Variants in EVL observed in about 807,000 individuals in gnomAD.
EVL encodes the protein Enah/Vasp-like.
In EVL, 21 loss-of-function variants were observed where a neutral mutation model predicts 59.6. That is an observed-to-expected ratio of 0.35 (90% CI 0.25 to 0.51). The LOEUF is 0.51. EVL is among the 20% of genes least tolerant of loss of function. EVL has a pLI of 0.97. For synonymous variants in EVL, 198 were observed against 203.5 expected, an observed-to-expected ratio of 0.97 and a Z score of 0.23; for missense variants, 462 against 546.6, an observed-to-expected ratio of 0.85 and a Z score of 1.54.
chr14:100,048,806 G>A (rs2140244338), intron 1 of EVL, among the ~76,000 whole-genome samples: 1 of 152,268 alleles, frequency 6.6e-6, no homozygotes, highest in South Asian at 2.1e-4. Context: ...GAATCTCAAA[G>A]CATTACACTG....
At chr14:100,020,955 T>C (rs576511718) in intron 1 of EVL, among the ~76,000 whole-genome samples, 55 of 152,348 alleles carry the variant, frequency 3.6e-4, no homozygotes, top group Non-Finnish European at 7.4e-5. Context: ...CCAGAACTTT[T>C]ATAATAGCCC....
Position 100,080,062 on chromosome 14 carries a change from CT to C in EVL, c.12-4611del, listed in dbSNP as rs371508011. 2.0e-3 allele frequency among the ~76,000 whole-genome samples: 275 copies of C among 140,648 alleles called. 1 individual carries two copies. The highest frequency in any genetic ancestry group is 2.0e-3 in the East Asian group (10 of 4,884). 92.3% of individuals were successfully genotyped at this position (140,648 alleles called of 152,430 possible). A position where few individuals can be genotyped will look rare whatever the true frequency, so the allele number is the denominator to read the frequency against. On this transcript the variant is annotated intron_variant, in intron 1 of 13. Coordinates refer to ENST00000392920, the MANE Select transcript of EVL (RefSeq NM_016337.3). ...TGCAGAAAATTTGGGATGTGTTTTG[CT>C]TTTTTTTTTTTTTCTCTTCAGTGAG...
chr14:100,109,636 C>T lies in EVL; in HGVS notation c.358+11978C>T, dbSNP rs371776651. ...TAAGATGGAGTTCCTGAACCAAGAC[C>T]GCTTGCTGGCCAACCTGTGAAACTG... On this transcript the variant is annotated intron_variant, in intron 3 of 13. Transcript: ENST00000392920. This position sits in a 1 kb window ranked among gnomAD's most constrained non-coding sequence, Gnocchi z 4.3. 6.2e-4 allele frequency: 326 copies of T among 525,150 alleles called. No homozygotes were observed. The highest frequency in any genetic ancestry group is 9.8e-4 in the Non-Finnish European group (251 of 254,920). The allele number at this position is 525,150 out of a possible 1,614,324, so 32.5% of individuals were successfully genotyped here. A position where few individuals can be genotyped will look rare whatever the true frequency, so the allele number is the denominator to read the frequency against.
At chr14:99,987,097 T>C (rs1057445590) in intron 1 of EVL, among the ~76,000 whole-genome samples, 1 of 152,154 alleles carries the variant, frequency 6.6e-6, no homozygotes, top group African/African-American at 2.4e-5. Context: ...AATGGTACCG[T>C]CAATAAAGTG....
At chr14:100,102,248 A>G (rs567465621) in intron 3 of EVL, 1 of 456,052 alleles carries the variant, frequency 2.2e-6, no homozygotes, top group African/African-American at 2.0e-5. Context: ...CGCAGCATAG[A>G]GGAACACAGC....
At chr14:100,139,688 T>C (rs1889040101) in intron 11 of EVL, 1 of 152,292 alleles carries the variant, frequency 6.6e-6, no homozygotes, top group African/African-American at 2.4e-5. Context: ...GCAACACTGG[T>C]CCTCAGTGTC....
chr14:100,119,714 C>T (rs1291757027), intron 3 of EVL, among the ~76,000 whole-genome samples: 1 of 152,192 alleles, frequency 6.6e-6, no homozygotes, highest in Non-Finnish European at 1.5e-5. Context: ...TTTGTTTATT[C>T]CTCACCGCAG....
chr14:100,025,933 T>G (rs1219556168), intron 1 of EVL, among the ~76,000 whole-genome samples: 1 of 151,030 alleles, frequency 6.6e-6, no homozygotes, highest in Non-Finnish European at 1.5e-5. Flanking sequence ...TGACACTCTG[T>G]CTCCAAAAAC....
rs994245344 is a variant in EVL at position 99,972,745 on chromosome 14, G to A, written c.5+688G>A. ...GCCAGAAGCCCGGTGCCCTCTCCCA[G>A]TCGCTAAACCCTCCCTTCCTCTCCA... On this transcript the variant is annotated intron_variant, in intron 1 of 13. Coordinates refer to the EVL transcript ENST00000402714. This position sits in a 1 kb window ranked among gnomAD's most constrained non-coding sequence, Gnocchi z 4.4. Among the ~76,000 whole-genome samples the A allele has an allele frequency of 1.3e-5, 2 of 151,822 alleles. No individual in the cohort carries two copies. The highest frequency in any genetic ancestry group is 4.8e-5 in the African/African-American group (2 of 41,306).
intron 1 of EVL, among the ~76,000 whole-genome samples, chr14:99,993,448 T>A (rs1232141602): frequency 6.6e-6 from 1 of 152,130 alleles, no homozygotes; most frequent in African/African-American, 2.4e-5. Flanking sequence ...TGGTTTGTAG[T>A]TTTCTTATTT....
chr14:100,039,002 T>A lies in EVL; in HGVS notation c.6-45685T>A, dbSNP rs550300938. On this transcript the variant is annotated intron_variant, in intron 1 of 13. Transcript: ENST00000402714. ...ACCCATAGGGCCCAGGACTGGCTTC[T>A]CAGATTTCAGAAAATAGAGTCATTA... 3.9e-5 allele frequency among the ~76,000 whole-genome samples: 6 copies of A among 152,166 alleles called. No homozygotes were observed. In the East Asian group the frequency reaches 1.2e-3, roughly 29 times the overall value.
At chr14:99,974,145 C>CT (rs1224110668) in intron 1 of EVL, among the ~76,000 whole-genome samples, 1 of 152,142 alleles carries the variant, frequency 6.6e-6, no homozygotes, top group Non-Finnish European at 1.5e-5. Flanking sequence ...CATTTAAAGC[C>CT]TATGGTTTAG....
At chr14:100,093,198 G>C (rs752735572) in intron 2 of EVL, among the ~76,000 whole-genome samples, 2 of 152,180 alleles carry the variant, frequency 1.3e-5, no homozygotes, top group Non-Finnish European at 2.9e-5. Context: ...GGACTCTCCT[G>C]TTTTAGAAGT....
At chr14:100,116,268 G>A (rs780778558) in intron 3 of EVL, among the ~76,000 whole-genome samples, 3 of 152,232 alleles carry the variant, frequency 2.0e-5, no homozygotes, top group Non-Finnish European at 2.9e-5. Context: ...AGATGGCAGA[G>A]CAGGGAGGAG....
intron 3 of EVL, among the ~76,000 whole-genome samples, chr14:100,102,080 C>T (rs150790098): frequency 3.9e-5 from 6 of 152,256 alleles, no homozygotes; most frequent in Admixed American, 2.0e-4. Context: ...TCAAGTGATC[C>T]GCCCACCTCA....
Position 100,132,752 on chromosome 14 carries a change from C to G in EVL, c.873C>G (p.Ala291=). The part of the protein sequence containing the change: ...RKAASQSDKP[A]EKKEDESQME... ...CAGCCTCCCAGTCAGACAAGCCAGCCGAGAAGAAGGAAGATGAAAGCCAAA... is the reference window on the plus strand; with the variant it reads ...CAGCCTCCCAGTCAGACAAGCCAGCGGAGAAGAAGGAAGATGAAAGCCAAA... The change falls in exon 8 of 14, where the codon GCC becomes GCG. Residue 291 remains alanine (A), a synonymous_variant. Transcript: ENST00000392920. The G allele has an allele frequency of 6.2e-7, 1 of 1,614,128 alleles. No homozygotes were observed. The highest frequency in any genetic ancestry group is 1.1e-5 in the South Asian group (1 of 91,084).
chr14:99,990,095 A>G (rs1031181291), intron 1 of EVL, among the ~76,000 whole-genome samples: 9 of 152,208 alleles, frequency 5.9e-5, no homozygotes, highest in East Asian at 1.9e-4. Flanking sequence ...TTTGTATAAC[A>G]TGGTCAGAGT....
intron 1 of EVL, chr14:99,978,238 A>C (rs1361389217): frequency 6.6e-6 from 1 of 151,876 alleles, no homozygotes; most frequent in African/African-American, 2.4e-5. Flanking sequence ...CTCTACTAAA[A>C]AAAAATACAA....
chr14:100,113,795 AG>A (rs1421533100), intron 3 of EVL, among the ~76,000 whole-genome samples: 1 of 152,040 alleles, frequency 6.6e-6, no homozygotes, highest in Non-Finnish European at 1.5e-5. Context: ...ACATTCAGGG[AG>A]GAGAGAGGTT....
Sources: gnomAD v4.1 joint callset for allele counts (sites outside exome capture counted in the v4.1 genomes callset) on GRCh38, gnomAD v4.1.1 for gene constraint, Gnocchi (gnomAD v3.1) non-coding constraint, MANE v1.5 for transcripts, NCBI Gene and HGNC (gene_info 2026-07-23, HGNC 2026-07-21) for gene names.